Variants in OLFM3 observed in about 807,000 individuals in gnomAD.
The protein encoded by OLFM3 is olfactomedin 3.
A neutral mutation model predicts 48.6 loss-of-function variants in OLFM3; 20 were observed. The observed-to-expected ratio is 0.41, with a 90% CI of 0.29 to 0.60. The LOEUF (loss-of-function observed/expected upper bound fraction) is 0.60, where lower values mean the gene tolerates loss of function less well. Ranked by LOEUF, OLFM3 falls within the 20% of genes least tolerant of loss-of-function variation. The probability of loss-of-function intolerance (pLI) is 0.28; values close to 1 mark genes in which losing one functional copy is unlikely to be tolerated. For missense variants in OLFM3, 437 were observed against 544.3 expected, an observed-to-expected ratio of 0.80 and a Z score of 1.96; for synonymous variants, 222 against 198.1, an observed-to-expected ratio of 1.12 and a Z score of -1.01.
intron 1 of OLFM3, among the ~76,000 whole-genome samples, chr1:101,964,837 G>C (rs1660565557): frequency 6.6e-6 from 1 of 152,204 alleles, no homozygotes; most frequent in Admixed American, 6.5e-5. Context: ...TACAAACCAA[G>C]GGAAGAAAGT....
chr1:101,939,741 T>C (rs1659729425), intron 1 of OLFM3, among the ~76,000 whole-genome samples: 1 of 152,180 alleles, frequency 6.6e-6, no homozygotes. Context: ...TTAGAAAATA[T>C]GGGCTACCTT....
intron 1 of OLFM3, among the ~76,000 whole-genome samples, chr1:101,992,366 G>T (rs1314342855): frequency 6.6e-6 from 1 of 152,198 alleles, no homozygotes; most frequent in East Asian, 1.9e-4. Flanking sequence ...TAAGGAAGAT[G>T]AGAAAAGATG....
At chr1:101,922,483 G>C (rs1659128870) in intron 1 of OLFM3, among the ~76,000 whole-genome samples, 1 of 152,104 alleles carries the variant, frequency 6.6e-6, no homozygotes, top group Admixed American at 6.6e-5. Context: ...GCATCTCCCT[G>C]ATTCTAGCTA....
chr1:101,848,009 A>G (rs1252997213), intron 1 of OLFM3, among the ~76,000 whole-genome samples: 2 of 152,156 alleles, frequency 1.3e-5, no homozygotes, highest in African/African-American at 4.8e-5. Context: ...CAGCTCTCAA[A>G]TTCAATGATC....
At chr1:101,995,866 T>G (rs747677986) in intron 1 of OLFM3, among the ~76,000 whole-genome samples, 11 of 152,224 alleles carry the variant, frequency 7.2e-5, no homozygotes, top group Non-Finnish European at 1.3e-4. Context: ...TTTCACCAGG[T>G]GGCTTATCTC....
At position 101,883,115 on chromosome 1, in the gene OLFM3, C is replaced by A. The variant is rs187955361; in HGVS notation, c.70-46090G>T. ...GTGAGCCTAAGGTTACTTCTATCAG[C>A]CAATCTTACTCTGCAAAACTGTCCC... On this transcript the variant is annotated intron_variant, in intron 1 of 5. Transcript: ENST00000370103. 2.4e-3 allele frequency among the ~76,000 whole-genome samples: 371 copies of A among 151,728 alleles called. 1 individual carries two copies. Among genetic ancestry groups the A allele is most frequent in the African/African-American group, 8.5e-3 (350 of 41,420 alleles).
chr1:101,839,510 T>G (rs991718198), intron 1 of OLFM3, among the ~76,000 whole-genome samples: 5 of 152,184 alleles, frequency 3.3e-5, no homozygotes, highest in African/African-American at 1.2e-4. Flanking sequence ...TGGACGCAAA[T>G]CTAAAATATG....
At chr1:101,861,997 T>C (rs1202998337) in intron 1 of OLFM3, among the ~76,000 whole-genome samples, 3 of 152,092 alleles carry the variant, frequency 2.0e-5, no homozygotes, top group Non-Finnish European at 1.5e-5. Context: ...GGGAAAATGG[T>C]GTTTAGGCAT....
Position 101,813,176 on chromosome 1 carries a change from T to C in OLFM3, c.593-6994A>G, listed in dbSNP as rs751246179. ...AAAGGAAATTTAAAGAAAGAAGTTA[T>C]ATTGGACCAAATCTGTATTGAGAAG... is the stretch of plus-strand genomic sequence containing the variant. On this transcript the variant is annotated intron_variant, in intron 4 of 5. Transcript: ENST00000370103. 67 of 1,036,074 alleles carry C rather than the reference T, an allele frequency of 6.5e-5. 1 individual carries two copies. In the South Asian group the frequency reaches 8.2e-4, roughly 13 times the overall value. The allele number at this position is 1,036,074 out of a possible 1,614,324, so 64.2% of individuals were successfully genotyped here.
chr1:101,875,018 C>T (rs893913714), intron 1 of OLFM3, among the ~76,000 whole-genome samples: 1 of 151,906 alleles, frequency 6.6e-6, no homozygotes, highest in Non-Finnish European at 1.5e-5. Context: ...CTAACAATTT[C>T]ATTAAGTAGA....
intron 1 of OLFM3, chr1:101,882,476 A>G (rs1024757270): frequency 6.6e-6 from 1 of 151,742 alleles, no homozygotes; most frequent in African/African-American, 2.4e-5. Flanking sequence ...TTTCATGTCT[A>G]TGCAAACCCA....
At chr1:101,914,674 G>T (rs926172651) in intron 1 of OLFM3, among the ~76,000 whole-genome samples, 4 of 152,210 alleles carry the variant, frequency 2.6e-5, no homozygotes, top group Admixed American at 6.5e-5. Flanking sequence ...GTGGGGATAA[G>T]TGCCAGAAAT....
chr1:101,831,858 A>G (rs549530239), intron 2 of OLFM3, among the ~76,000 whole-genome samples: 127 of 152,356 alleles, frequency 8.3e-4, no homozygotes, highest in African/African-American at 3.0e-3. Flanking sequence ...AGAAAAGCAA[A>G]TGTAAAGATC....
intron 1 of OLFM3, among the ~76,000 whole-genome samples, chr1:101,951,391 C>T (rs2101071757): frequency 6.6e-6 from 1 of 152,234 alleles, no homozygotes; most frequent in East Asian, 1.9e-4. Context: ...GGTCTCATTC[C>T]TATCTCAATA....
At chr1:101,981,110 G>A (rs1661094000) in intron 1 of OLFM3, among the ~76,000 whole-genome samples, 1 of 151,960 alleles carries the variant, frequency 6.6e-6, no homozygotes, top group Non-Finnish European at 1.5e-5. Flanking sequence ...TGTGAGCCTG[G>A]CAGTGTGAAA....
chr1:101,991,334 C>T (rs1050435340), intron 1 of OLFM3, among the ~76,000 whole-genome samples: 10 of 151,948 alleles, frequency 6.6e-5, no homozygotes, highest in East Asian at 5.8e-4. Context: ...TTCACTACTG[C>T]CAATTAAGTT....
intron 1 of OLFM3, among the ~76,000 whole-genome samples, chr1:101,862,739 T>C (rs1367230932): frequency 1.3e-5 from 2 of 152,228 alleles, no homozygotes. Context: ...TTTGCACTTT[T>C]CAAAAGCTCC....
At chr1:101,895,278 A>G (rs886474742) in intron 1 of OLFM3, among the ~76,000 whole-genome samples, 3 of 152,048 alleles carry the variant, frequency 2.0e-5, no homozygotes, top group African/African-American at 7.2e-5. Flanking sequence ...CCACTCTACT[A>G]GAATCCCAAA....
intron 1 of OLFM3, among the ~76,000 whole-genome samples, chr1:101,921,805 C>T (rs552946535): frequency 5.2e-4 from 79 of 152,264 alleles, no homozygotes; most frequent in Admixed American, 2.0e-3. Flanking sequence ...CGCCTGTAAT[C>T]CCAGCACTTT....
Sources: gnomAD v4.1 joint callset for allele counts (sites outside exome capture counted in the v4.1 genomes callset) on GRCh38, gnomAD v4.1.1 for gene constraint, MANE v1.5 for transcripts, NCBI Gene and HGNC (gene_info 2026-07-23, HGNC 2026-07-21) for gene names.